The following GPC3 variants were observed in gnomAD, a reference collection of about 807,000 sequenced individuals.
GPC3 encodes the protein glypican 3.
In GPC3, 3 loss-of-function variants were observed where a neutral mutation model predicts 34.4. That is an observed-to-expected ratio of 0.09 (90% CI 0.04 to 0.23). GPC3 has a LOEUF of 0.23. GPC3 is among the 10% of genes least tolerant of loss of function. The probability of loss-of-function intolerance (pLI) is 1.00; values close to 1 mark genes in which losing one functional copy is unlikely to be tolerated. For synonymous variants in GPC3, 177 were observed against 174.0 expected (o/e 1.02, Z -0.13); for missense variants, 351 against 445.6 (o/e 0.79, Z 1.91).
At chrX:133,711,850 T>A (rs2071271110) in intron 3 of GPC3, among the ~76,000 whole-genome samples, 1 of 111,932 alleles carries the variant, frequency 8.9e-6, no homozygotes, top group Non-Finnish European at 1.9e-5. Flanking sequence ...GTGCTCTTAC[T>A]GGCTATCTAG....
In GPC3 at chrX:133,610,600, C is replaced by G. The variant is rs149943286; in HGVS notation, c.1414-14001G>C. Among the ~76,000 whole-genome samples the G allele has an allele frequency of 1.5e-3, 159 of 107,179 alleles. 1 individual carries two copies. Among genetic ancestry groups the G allele is most frequent in the Non-Finnish European group, 2.6e-3 (138 of 52,076 alleles). The allele number at this position is 107,179 out of a possible 115,157, so 93.1% of individuals were successfully genotyped here. On this transcript the variant is annotated intron_variant, in intron 6 of 7. Transcript: ENST00000370818. ...TTTGATATACCAGGTAATATACACA[C>G]AGTCTTAATATCATGTTCGTTCAAC...
Position 133,762,819 on chromosome X carries a change from G to A in GPC3, c.338-8643C>T. Reference sequence around the variant, plus strand: ...CAACGTCCGGAGCCCTTGATGTCCTGCAAATGAAATAGAAGGGTGTCCTTA... The same window carrying A: ...CAACGTCCGGAGCCCTTGATGTCCTACAAATGAAATAGAAGGGTGTCCTTA... On this transcript the variant is annotated intron_variant, in intron 2 of 7. Transcript: ENST00000370818. 1.2e-5 allele frequency: 6 copies of A among 511,561 alleles called. No individual in the cohort carries two copies. The South Asian group carries it at 1.4e-4, about 12-fold the overall frequency. 42.2% of individuals were successfully genotyped at this position (511,561 alleles called of 1,213,427 possible).
At chrX:133,658,523 C>G (rs932580080) in intron 6 of GPC3, among the ~76,000 whole-genome samples, 3 of 111,549 alleles carry the variant, frequency 2.7e-5, no homozygotes, top group African/African-American at 6.5e-5. Flanking sequence ...TGACTTTCTT[C>G]TTTATGACTT....
At chrX:133,616,989 C>T (rs758119469) in intron 6 of GPC3, among the ~76,000 whole-genome samples, 4 of 111,413 alleles carry the variant, frequency 3.6e-5, no homozygotes, top group Non-Finnish European at 3.8e-5. Context: ...TGAGCCACCG[C>T]GCCTAGCCTA....
At chrX:133,559,631 T>G in intron 7 of GPC3, among the ~76,000 whole-genome samples, 1 of 111,730 alleles carries the variant, frequency 9.0e-6, no homozygotes, top group South Asian at 3.8e-4. Context: ...TCCACAGACC[T>G]TTCCTGCTGT....
chrX:133,781,707 C>A (rs922601652), intron 2 of GPC3, among the ~76,000 whole-genome samples: 1 of 111,225 alleles, frequency 9.0e-6, no homozygotes, highest in African/African-American at 3.3e-5. Context: ...GGGAACTGCA[C>A]AAAGCCTGCA....
chrX:133,625,962 C>CAG (rs2070294291), intron 6 of GPC3, among the ~76,000 whole-genome samples: 1 of 111,947 alleles, frequency 8.9e-6, no homozygotes, highest in African/African-American at 3.3e-5. Flanking sequence ...GGTACCAAAA[C>CAG]AGAGATATAG....
At chrX:133,931,692 GATT>G (rs1790832740) in intron 2 of GPC3, among the ~76,000 whole-genome samples, 1 of 111,667 alleles carries the variant, frequency 9.0e-6, no homozygotes. Context: ...TATTATTCCT[GATT>G]ATTATTAACA....
At chrX:133,671,444 CTA>C in intron 5 of GPC3, 1 of 455,771 alleles carries the variant, frequency 2.2e-6, no homozygotes, top group Non-Finnish European at 3.9e-6. Flanking sequence ...GATTTATAAA[CTA>C]AAAACTTTCA....
At chrX:133,609,896 G>T (rs769198301) in intron 6 of GPC3, among the ~76,000 whole-genome samples, 9 of 112,223 alleles carry the variant, frequency 8.0e-5, no homozygotes, top group African/African-American at 2.9e-4. Flanking sequence ...TTGCCTTGGG[G>T]TAGCATAGCT....
chrX:133,819,562 T>C, intron 2 of GPC3, among the ~76,000 whole-genome samples: 1 of 111,027 alleles, frequency 9.0e-6, no homozygotes, highest in Non-Finnish European at 1.9e-5. Flanking sequence ...TTCCTTCCAG[T>C]ACTAAGCATC....
At chrX:133,570,743 T>G (rs1465837066) in intron 7 of GPC3, among the ~76,000 whole-genome samples, 2 of 112,019 alleles carry the variant, frequency 1.8e-5, no homozygotes, top group Non-Finnish European at 3.8e-5. Context: ...AAGAGCCTGG[T>G]CTTTGGCCCC....
At chrX:133,750,228 G>A (rs942030686) in intron 3 of GPC3, among the ~76,000 whole-genome samples, 6 of 112,020 alleles carry the variant, frequency 5.4e-5, no homozygotes, top group Non-Finnish European at 7.5e-5. Flanking sequence ...CCCCCTGCAC[G>A]CATGTGCATG....
intron 7 of GPC3, among the ~76,000 whole-genome samples, chrX:133,569,361 G>A (rs1239361383): frequency 9.0e-6 from 1 of 111,625 alleles, no homozygotes; most frequent in Non-Finnish European, 1.9e-5. Context: ...CCAGCCAAAT[G>A]CCAGGAAGAT....
At chrX:133,879,979 A>G (rs970905011) in intron 2 of GPC3, among the ~76,000 whole-genome samples, 1 of 111,732 alleles carries the variant, frequency 8.9e-6, no homozygotes, top group Non-Finnish European at 1.9e-5. Context: ...CTAAAACTGA[A>G]TATAATGGGA....
At chrX:133,552,581 C>T (rs973880209) in intron 7 of GPC3, among the ~76,000 whole-genome samples, 4 of 111,757 alleles carry the variant, frequency 3.6e-5, no homozygotes, top group East Asian at 2.8e-4. Context: ...ATACGAAATG[C>T]GCCTATACGG....
At chrX:133,926,540 C>T (rs747370648) in intron 2 of GPC3, among the ~76,000 whole-genome samples, 4 of 112,391 alleles carry the variant, frequency 3.6e-5, no homozygotes, top group African/African-American at 1.3e-4. Flanking sequence ...ATAATTGAAA[C>T]ACAATCTAAA....
intron 7 of GPC3, among the ~76,000 whole-genome samples, chrX:133,571,717 G>A (rs933778720): frequency 1.8e-5 from 2 of 111,639 alleles, no homozygotes; most frequent in Non-Finnish European, 3.8e-5. Flanking sequence ...AGCTTGGGAG[G>A]GGTGGCAGAA....
At chrX:133,787,307 C>T (rs1413292768) in intron 2 of GPC3, among the ~76,000 whole-genome samples, 2 of 112,338 alleles carry the variant, frequency 1.8e-5, no homozygotes, top group African/African-American at 6.5e-5. Flanking sequence ...CCCTCTCGCT[C>T]ATTAGCAACA....
Sources: gnomAD v4.1 joint callset for allele counts (sites outside exome capture counted in the v4.1 genomes callset) on GRCh38, gnomAD v4.1.1 for gene constraint, MANE v1.5 for transcripts, NCBI Gene and HGNC (gene_info 2026-07-23, HGNC 2026-07-21) for gene names.